The following DOK6 variants were observed in gnomAD, a reference collection of about 807,000 sequenced individuals.
DOK6 encodes downstream of tyrosine kinase 6.
DOK6 carries 22 observed loss-of-function variants against 44.0 expected under a neutral mutation model. The observed-to-expected ratio is 0.50, with a 90% confidence interval of 0.36 to 0.71. The LOEUF (loss-of-function observed/expected upper bound fraction) is 0.71, where lower values mean the gene tolerates loss of function less well. DOK6 is among the 30% of genes least tolerant of loss of function. DOK6 has a pLI of 0.00. For synonymous variants in DOK6, 166 were observed against 145.5 expected (o/e 1.14, Z -1.01); for missense variants, 340 against 416.4 (o/e 0.82, Z 1.60).
chr18:69,771,084 TAA>T (rs1178638914), intron 7 of DOK6, among the ~76,000 whole-genome samples: 2 of 152,054 alleles, frequency 1.3e-5, no homozygotes, highest in Non-Finnish European at 2.9e-5. Context: ...ATAAATACAT[TAA>T]GTTTAACTGA....
At chr18:69,489,466 A>G (rs2144538316) in intron 1 of DOK6, among the ~76,000 whole-genome samples, 1 of 152,294 alleles carries the variant, frequency 6.6e-6, no homozygotes, top group East Asian at 1.9e-4. Context: ...GAAATCAGCC[A>G]TAGTGGGGAA....
chr18:69,437,942 A>G (rs1156331453), intron 1 of DOK6, among the ~76,000 whole-genome samples: 2 of 152,184 alleles, frequency 1.3e-5, no homozygotes, highest in African/African-American at 4.8e-5. Context: ...TGTGTCTGAA[A>G]AACAATGTAA....
intron 7 of DOK6, among the ~76,000 whole-genome samples, chr18:69,825,325 T>A (rs1981707637): frequency 6.6e-6 from 1 of 152,020 alleles, no homozygotes; most frequent in Admixed American, 6.6e-5. Context: ...TCTACTGCAG[T>A]AGTGAGAGCA....
At chr18:69,533,029 A>T (rs1457086851) in intron 1 of DOK6, among the ~76,000 whole-genome samples, 1 of 152,174 alleles carries the variant, frequency 6.6e-6, no homozygotes, top group Non-Finnish European at 1.5e-5. Context: ...CATTTTGAAA[A>T]ATGACAATTT....
intron 1 of DOK6, among the ~76,000 whole-genome samples, chr18:69,409,993 T>C (rs1265551538): frequency 6.6e-6 from 1 of 151,724 alleles, no homozygotes; most frequent in East Asian, 1.9e-4. Flanking sequence ...CTTCACCACA[T>C]ATTTGGAATC....
rs111484699 is a variant in DOK6, at chr18:69,708,583, G to A, written c.599+9990G>A. ...AGGGGGATCATGATGTCAGGAGTTC[G>A]AGACCAGCCTGACCAACATGGTGAA... On this transcript the variant is annotated intron_variant, in intron 5 of 7. Transcript: ENST00000382713. Among the ~76,000 whole-genome samples, 742 of 152,170 alleles carry A rather than the reference G, an allele frequency of 4.9e-3. 4 individuals carry two copies. Among genetic ancestry groups the A allele is most frequent in the African/African-American group, 0.016 (677 of 41,518 alleles).
rs1455847177 is a variant in DOK6 at position 69,711,004 on chromosome 18, T to C, written c.599+12411T>C. On this transcript the variant is annotated intron_variant, in intron 5 of 7. Coordinates refer to ENST00000382713, the MANE Select transcript of DOK6 (RefSeq NM_152721.6). ...AGATCTGCCCTCTAGCTTTGGTTTG[T>C]CTGCTGTTACTCTTCAGGCTAGGTC... Among the ~76,000 whole-genome samples, 3 of 152,228 alleles carry C rather than the reference T, an allele frequency of 2.0e-5. No homozygotes were observed. In the East Asian group the frequency reaches 5.8e-4, roughly 29 times the overall value.
At chr18:69,503,086 C>G (rs144266023) in intron 1 of DOK6, among the ~76,000 whole-genome samples, 2 of 152,114 alleles carry the variant, frequency 1.3e-5, no homozygotes, top group African/African-American at 4.8e-5. Flanking sequence ...CTGAAATATC[C>G]TTGCATTTTC....
chr18:69,623,493 A>G (rs1240308936), intron 3 of DOK6, among the ~76,000 whole-genome samples: 2 of 152,186 alleles, frequency 1.3e-5, no homozygotes, highest in African/African-American at 4.8e-5. Context: ...TTGAACATCT[A>G]TATTGTCTGG....
Position 69,845,682 on chromosome 18 carries a change from A to C in DOK6, c.*4299A>C, listed in dbSNP as rs1982331152. The C allele has an allele frequency of 6.6e-6, 1 of 152,200 alleles. No individual in the cohort carries two copies. The highest frequency in any genetic ancestry group is 2.4e-5 in the African/African-American group (1 of 41,452). The allele number at this position is 152,200 out of a possible 1,614,324, so 9.4% of individuals were successfully genotyped here. A position where few individuals can be genotyped will look rare whatever the true frequency, so the allele number is the denominator to read the frequency against. ...GTAACACTTGGTCTCTACCTTTCTA[A>C]CATTCTAACCCAAGGCCAGTGTCAT... On this transcript the variant is annotated 3_prime_UTR_variant, in exon 8 of 8. Coordinates refer to ENST00000382713, the MANE Select transcript of DOK6 (RefSeq NM_152721.6).
intron 3 of DOK6, among the ~76,000 whole-genome samples, chr18:69,650,193 T>C (rs1324119556): frequency 1.3e-5 from 2 of 152,104 alleles, no homozygotes; most frequent in African/African-American, 4.8e-5. Context: ...GAAATTATCA[T>C]CTTTAAAAAA....
intron 1 of DOK6, among the ~76,000 whole-genome samples, chr18:69,497,757 T>C (rs528191190): frequency 6.6e-6 from 1 of 152,350 alleles, no homozygotes; most frequent in African/African-American, 2.4e-5. Flanking sequence ...TCAACTTTAT[T>C]TTAAAAGCTT....
At chr18:69,455,870 A>G (rs1979620934) in intron 1 of DOK6, among the ~76,000 whole-genome samples, 1 of 152,206 alleles carries the variant, frequency 6.6e-6, no homozygotes, top group Admixed American at 6.5e-5. Flanking sequence ...AATCCATACA[A>G]ATAATGACAA....
At chr18:69,426,743 G>T (rs34569443) in intron 1 of DOK6, among the ~76,000 whole-genome samples, 23,103 of 152,076 alleles carry the variant, frequency 0.15, 2,229 homozygotes, top group East Asian at 0.32. Flanking sequence ...GTCACATTTT[G>T]ACTATTTTCT....
chr18:69,672,902 TCTTCA>T (rs1351682017), intron 3 of DOK6, among the ~76,000 whole-genome samples: 1 of 152,190 alleles, frequency 6.6e-6, no homozygotes, highest in East Asian at 1.9e-4. Context: ...GAAACATTTT[TCTTCA>T]CTTCACAGCA....
chr18:69,517,037 G>A (rs896191113), intron 1 of DOK6, among the ~76,000 whole-genome samples: 2 of 152,010 alleles, frequency 1.3e-5, no homozygotes, highest in Non-Finnish European at 2.9e-5. Context: ...TTTTGAGGTT[G>A]TATTATTTTA....
intron 3 of DOK6, among the ~76,000 whole-genome samples, chr18:69,629,838 T>C (rs1352878388): frequency 6.6e-6 from 1 of 152,174 alleles, no homozygotes; most frequent in Admixed American, 6.6e-5. Flanking sequence ...CTGTCCAGGC[T>C]GGAGTGCAGT....
intron 4 of DOK6, among the ~76,000 whole-genome samples, chr18:69,690,173 A>T (rs1986233732): frequency 6.6e-6 from 1 of 152,140 alleles, no homozygotes; most frequent in Non-Finnish European, 1.5e-5. Flanking sequence ...GGGGAATTTT[A>T]AAAAGATACT....
intron 5 of DOK6, among the ~76,000 whole-genome samples, chr18:69,707,505 A>G (rs1471299783): frequency 6.6e-6 from 1 of 152,148 alleles, no homozygotes; most frequent in African/African-American, 2.4e-5. Flanking sequence ...AGTGCCCTGT[A>G]TCTTAGGGCT....
Sources: gnomAD v4.1 joint callset for allele counts (sites outside exome capture counted in the v4.1 genomes callset) on GRCh38, gnomAD v4.1.1 for gene constraint, MANE v1.5 for transcripts, NCBI Gene and HGNC (gene_info 2026-07-23, HGNC 2026-07-21) for gene names.